The following OR5H14 variants were observed in gnomAD, a reference collection of about 807,000 sequenced individuals.
The protein encoded by OR5H14 is olfactory receptor family 5 subfamily H member 14.
For synonymous variants in OR5H14, 155 were observed against 130.6 expected (o/e 1.19, Z -1.28); for missense variants, 392 against 363.9 (o/e 1.08, Z -0.63).
chr3:98,147,779 C>T (rs78445899), intron 1 of OR5H14, among the ~76,000 whole-genome samples: 8,365 of 151,870 alleles, frequency 0.055, 275 homozygotes, highest in East Asian at 0.12. Flanking sequence ...ATTGTATTAT[C>T]TTGTTAATCT....
Position 98,147,521 on chromosome 3 carries a change from TA to T in OR5H14, c.-49del, listed in dbSNP as rs1333123354. ...TCTGTTTTAGAAAGTGTAACACGTT[TA>T]AAGGATATCCACAATTTCTTTCAAA... On this transcript the variant is annotated 5_prime_UTR_variant, in exon 1 of 2. Transcript: ENST00000641380. The T allele has an allele frequency of 3.3e-5, 5 of 152,154 alleles. No homozygotes were observed. Among genetic ancestry groups the T allele is most frequent in the Admixed American group, 3.3e-4 (5 of 15,254 alleles). 9.4% of individuals were successfully genotyped at this position (152,154 alleles called of 1,614,324 possible).
At chr3:98,148,773 A>G (rs1708456034) in intron 1 of OR5H14, among the ~76,000 whole-genome samples, 1 of 152,016 alleles carries the variant, frequency 6.6e-6, no homozygotes, top group South Asian at 2.1e-4. Context: ...TGAAATAATC[A>G]ATTTCTACAT....
intron 1 of OR5H14, chr3:98,147,956 A>T (rs1025835917): frequency 6.6e-6 from 1 of 152,020 alleles, no homozygotes; most frequent in Non-Finnish European, 1.5e-5. Flanking sequence ...AGTCACCTAC[A>T]GATAAACTCC....
rs1230940550 is a variant in OR5H14 at position 98,155,875 on chromosome 3, A to G, written c.*5557A>G. ...GGCATAAAGTGTAATTTCAATTGTT[A>G]AAACCCAAACTGGGTACAGTGACTT... On this transcript the variant is annotated 3_prime_UTR_variant, in exon 2 of 2. Transcript: ENST00000641380. 3 of 152,202 alleles carry G rather than the reference A, an allele frequency of 2.0e-5. No homozygotes were observed. The highest frequency in any genetic ancestry group is 4.4e-5 in the Non-Finnish European group (3 of 68,034). 9.4% of individuals were successfully genotyped at this position (152,202 alleles called of 1,614,324 possible). A position where few individuals can be genotyped will look rare whatever the true frequency, so the allele number is the denominator to read the frequency against.
Position 98,150,094 on chromosome 3 carries a change from G to A in OR5H14, c.709G>A (p.Ala237Thr), listed in dbSNP as rs80138979. Residue 237 changes from alanine to threonine, a missense_variant, in exon 2 of 2, where the codon GCC (alanine) becomes ACC (threonine). Ala to Thr is a moderately conservative substitution (Grantham distance 58). Transcript: ENST00000641380. ...GAAGTCTGTCAAAGGTATGAGAAAA[G>A]CCTTCTCCACCTGTGGAGCTCATCT... ...KKKSVKGMRKAFSTCGAHLLS... is the reference protein window; with the variant it reads ...KKKSVKGMRKTFSTCGAHLLS... 6.2e-3 allele frequency: 9,949 copies of A among 1,610,284 alleles called. 376 individuals carry two copies. In the African/African-American group the frequency reaches 0.098, roughly 16 times the overall value.
rs1708567053 is a variant in OR5H14, at chr3:98,155,037, A to G, written c.*4719A>G. On this transcript the variant is annotated 3_prime_UTR_variant, in exon 2 of 2. Coordinates refer to ENST00000641380, the MANE Select transcript of OR5H14 (RefSeq NM_001005514.2). ...GAAATCTAAGATTGGTGTTCAAGGT[A>G]TTTTGTAGATCCTGAATTCTGATAA... 6.6e-6 allele frequency: 1 copy of G among 152,148 alleles called. No individual in the cohort carries two copies. Among genetic ancestry groups the G allele is most frequent in the African/African-American group, 2.4e-5 (1 of 41,402 alleles). The allele number at this position is 152,148 out of a possible 1,614,324, so 9.4% of individuals were successfully genotyped here.
In OR5H14 at chr3:98,149,936, T is replaced by C. The variant is rs1708480253; in HGVS notation, c.551T>C (p.Leu184Ser). 1.9e-6 allele frequency: 3 copies of C among 1,613,404 alleles called. No individual in the cohort carries two copies. The highest frequency in any genetic ancestry group is 2.7e-5 in the African/African-American group (2 of 74,794). ...IQHFYCDIIP[L>S]LKISYTDSSI... Reference sequence around the variant, plus strand: ...CACTTTTACTGTGACATTATCCCATTGTTAAAGATTTCTTATACTGATTCC... The same window carrying C: ...CACTTTTACTGTGACATTATCCCATCGTTAAAGATTTCTTATACTGATTCC... The change falls in exon 2 of 2, where the codon TTG (leucine) becomes TCG (serine). Residue 184 changes from leucine (L) to serine (S), a missense_variant. By Grantham distance (145) the Leu-to-Ser change is moderately radical (BLOSUM62 -2). Transcript: ENST00000641380.
At chr3:98,148,863 A>ACCTT (rs1277467699) in intron 1 of OR5H14, among the ~76,000 whole-genome samples, 4 of 152,026 alleles carry the variant, frequency 2.6e-5, no homozygotes, top group Non-Finnish European at 5.9e-5. Flanking sequence ...GATTGCTGGA[A>ACCTT]CCTTAGTAAC....
Position 98,155,051 on chromosome 3 carries a change from G to A in OR5H14, c.*4733G>A, listed in dbSNP as rs1708567135. 2 of 151,902 alleles carry A rather than the reference G, an allele frequency of 1.3e-5. No homozygotes were observed. The highest frequency in any genetic ancestry group is 2.4e-5 in the African/African-American group (1 of 41,196). The allele number at this position is 151,902 out of a possible 1,614,324, so 9.4% of individuals were successfully genotyped here. On this transcript the variant is annotated 3_prime_UTR_variant, in exon 2 of 2. Coordinates refer to ENST00000641380, the MANE Select transcript of OR5H14 (RefSeq NM_001005514.2). ...GTGTTCAAGGTATTTTGTAGATCCT[G>A]AATTCTGATAAATCAGCTGGCAACA...
rs1196062826 is a variant in OR5H14, at chr3:98,151,480, A to C, written c.*1162A>C. The C allele has an allele frequency of 6.6e-6, 1 of 151,838 alleles. No individual in the cohort carries two copies. The highest frequency in any genetic ancestry group is 1.5e-5 in the Non-Finnish European group (1 of 67,904). The allele number at this position is 151,838 out of a possible 1,614,324, so 9.4% of individuals were successfully genotyped here. On this transcript the variant is annotated 3_prime_UTR_variant, in exon 2 of 2. Transcript: ENST00000641380. ...CACTGATACCGAGACCCTTATCCTAAGCATTACTCACATATCGTTTTGCAA... is the reference window on the plus strand; with the variant it reads ...CACTGATACCGAGACCCTTATCCTACGCATTACTCACATATCGTTTTGCAA...
rs1178167298 is a variant in OR5H14 at position 98,153,631 on chromosome 3, T to A, written c.*3313T>A. 4 of 152,166 alleles carry A rather than the reference T, an allele frequency of 2.6e-5. No homozygotes were observed. The East Asian group carries it at 7.7e-4, about 29-fold the overall frequency. The allele number at this position is 152,166 out of a possible 1,614,324, so 9.4% of individuals were successfully genotyped here. On this transcript the variant is annotated 3_prime_UTR_variant, in exon 2 of 2. Coordinates refer to ENST00000641380, the MANE Select transcript of OR5H14 (RefSeq NM_001005514.2). Reference sequence around the variant, plus strand: ...GTTATAGCAATCTATAAACTTAGTATCTAAGCCCAGAGGGCATTTAGTTGA... The same window carrying A: ...GTTATAGCAATCTATAAACTTAGTAACTAAGCCCAGAGGGCATTTAGTTGA...
rs1708543236 is a variant in OR5H14, at chr3:98,153,997, C to T, written c.*3679C>T. ...AAATATTTGAAAATGTTTGACAGAT[C>T]ATCAGCTTCCCAGTGTAGCTTTTGT... On this transcript the variant is annotated 3_prime_UTR_variant, in exon 2 of 2. Transcript: ENST00000641380. The T allele has an allele frequency of 6.6e-6, 1 of 152,128 alleles. No individual in the cohort carries two copies. Among genetic ancestry groups the T allele is most frequent in the African/African-American group, 2.4e-5 (1 of 41,426 alleles). 9.4% of individuals were successfully genotyped at this position (152,128 alleles called of 1,614,324 possible).
In OR5H14 at chr3:98,149,547, T is replaced by C. The variant is rs143765725; in HGVS notation, c.162T>C (p.His54=). The C allele has an allele frequency of 1.3e-4, 215 of 1,613,446 alleles. 1 individual carries two copies. Among genetic ancestry groups the C allele is most frequent in the Admixed American group, 6.5e-4 (39 of 59,956 alleles). Reference sequence around the variant, plus strand: ...TTGCTGTCATCTGGAAAGACCCTCATCTTCATATCCCAATGTACTTACTCC... The same window carrying C: ...TTGCTGTCATCTGGAAAGACCCTCACCTTCATATCCCAATGTACTTACTCC... ...GLIAVIWKDP[H]LHIPMYLLLG... The change falls in exon 2 of 2, where the codon CAT becomes CAC. Residue 54 remains histidine, a synonymous_variant. Transcript: ENST00000641380.
At chr3:98,148,950 A>ATT (rs1553728932) in intron 1 of OR5H14, among the ~76,000 whole-genome samples, 1 of 152,014 alleles carries the variant, frequency 6.6e-6, no homozygotes, top group African/African-American at 2.4e-5. Context: ...AATTTTAAAA[A>ATT]ATGTTATGAT....
In OR5H14 at chr3:98,153,843, T is replaced by C. The variant is rs1363572406; in HGVS notation, c.*3525T>C. The stretch of plus-strand genomic sequence containing the variant: ...TTGTCCTCTGAAGTTTATATCAAGT[T>C]GTCCAGACCTAGCTTGCAGGGCTTC... On this transcript the variant is annotated 3_prime_UTR_variant, in exon 2 of 2. Coordinates refer to ENST00000641380, the MANE Select transcript of OR5H14 (RefSeq NM_001005514.2). The C allele has an allele frequency of 6.6e-6, 1 of 152,198 alleles. No homozygotes were observed. Among genetic ancestry groups the C allele is most frequent in the African/African-American group, 2.4e-5 (1 of 41,466 alleles). 9.4% of individuals were successfully genotyped at this position (152,198 alleles called of 1,614,324 possible).
At chr3:98,147,671 G>A (rs1204136581) in intron 1 of OR5H14, 117 bp downstream of exon 1, 1 of 152,038 alleles carries the variant, frequency 6.6e-6, no homozygotes, top group African/African-American at 2.4e-5. Context: ...CCAGAAGAAA[G>A]TTGGGTAACT....
Position 98,153,526 on chromosome 3 carries a change from T to C in OR5H14, c.*3208T>C, listed in dbSNP as rs1017417528. ...TAAACCCAGGAGTGGGAGGTTGCAGTGAGCCGAGAAGGCACCACTGTACAC... is the reference window on the plus strand; with the variant it reads ...TAAACCCAGGAGTGGGAGGTTGCAGCGAGCCGAGAAGGCACCACTGTACAC... On this transcript the variant is annotated 3_prime_UTR_variant, in exon 2 of 2. Transcript: ENST00000641380. 9 of 152,250 alleles carry C rather than the reference T, an allele frequency of 5.9e-5. No homozygotes were observed. The highest frequency in any genetic ancestry group is 2.2e-4 in the African/African-American group (9 of 41,550). The allele number at this position is 152,250 out of a possible 1,614,324, so 9.4% of individuals were successfully genotyped here.
rs998979666 is a variant in OR5H14, at chr3:98,151,181, C to G, written c.*863C>G. ...ATGAAACTACTAAGATTTTAAAAAC[C>G]AGTGATGTTACAAGGTTATTGGAAT... On this transcript the variant is annotated 3_prime_UTR_variant, in exon 2 of 2. Coordinates refer to ENST00000641380, the MANE Select transcript of OR5H14 (RefSeq NM_001005514.2). 1 of 151,974 alleles carries G rather than the reference C, an allele frequency of 6.6e-6. No individual in the cohort carries two copies. The highest frequency in any genetic ancestry group is 1.5e-5 in the Non-Finnish European group (1 of 67,976). The allele number at this position is 151,974 out of a possible 1,614,324, so 9.4% of individuals were successfully genotyped here. A position where few individuals can be genotyped will look rare whatever the true frequency, so the allele number is the denominator to read the frequency against.
Position 98,150,597 on chromosome 3 carries a change from T to A in OR5H14, c.*279T>A, listed in dbSNP as rs1708494641. 1 of 228,304 alleles carries A rather than the reference T, an allele frequency of 4.4e-6. No homozygotes were observed. The highest frequency in any genetic ancestry group is 5.2e-5 in the Admixed American group (1 of 19,322). 14.1% of individuals were successfully genotyped at this position (228,304 alleles called of 1,614,324 possible). A position where few individuals can be genotyped will look rare whatever the true frequency, so the allele number is the denominator to read the frequency against. On this transcript the variant is annotated 3_prime_UTR_variant, in exon 2 of 2. Transcript: ENST00000641380. ...TATGTTAATCACTGTGTCTTATAAATGCATTAAATGCAAAATAGTCTAGTT... is the reference window on the plus strand; with the variant it reads ...TATGTTAATCACTGTGTCTTATAAAAGCATTAAATGCAAAATAGTCTAGTT...
Sources: allele counts gnomAD v4.1 joint callset (sites outside exome capture counted in the v4.1 genomes callset), GRCh38; gene constraint gnomAD v4.1.1; transcripts MANE v1.5; gene names NCBI Gene and HGNC (gene_info 2026-07-23, HGNC 2026-07-21).